Variants in SPOCK1 observed in about 807,000 individuals in gnomAD.
SPOCK1 encodes testican-1.
SPOCK1 carries 23 observed loss-of-function variants against 55.3 expected under a neutral mutation model. That is an observed-to-expected ratio of 0.42 (90% CI 0.30 to 0.59). The LOEUF (loss-of-function observed/expected upper bound fraction) is 0.59, where lower values mean the gene tolerates loss of function less well. SPOCK1 is among the 20% of genes least tolerant of loss of function. The pLI is 0.22. For missense variants in SPOCK1, 499 were observed against 552.5 expected (o/e 0.90, Z 0.97); for synonymous variants, 226 against 221.0 (o/e 1.02, Z -0.20).
intron 2 of SPOCK1, among the ~76,000 whole-genome samples, chr5:137,268,445 C>G (rs1756899127): frequency 6.6e-6 from 1 of 152,200 alleles, no homozygotes; most frequent in Admixed American, 6.5e-5. Flanking sequence ...CATGAAATAT[C>G]ACTAAGGAAA....
At chr5:137,421,468 A>T (rs1752492949) in intron 2 of SPOCK1, among the ~76,000 whole-genome samples, 1 of 152,118 alleles carries the variant, frequency 6.6e-6, no homozygotes, top group African/African-American at 2.4e-5. Context: ...TTGCTTTATG[A>T]ATCTGGGTGC....
chr5:137,169,056 T>C (rs540149274), intron 3 of SPOCK1, among the ~76,000 whole-genome samples: 1 of 152,232 alleles, frequency 6.6e-6, no homozygotes, highest in African/African-American at 2.4e-5. Flanking sequence ...ACAACAAGGA[T>C]GGTCATTACG....
chr5:137,432,114 G>C (rs1752760114), intron 2 of SPOCK1, among the ~76,000 whole-genome samples: 1 of 152,196 alleles, frequency 6.6e-6, no homozygotes, highest in Non-Finnish European at 1.5e-5. Flanking sequence ...AAAATAACAA[G>C]TGTTGGTATG....
chr5:137,118,921 C>T (rs1266835084), intron 4 of SPOCK1, among the ~76,000 whole-genome samples: 1 of 152,184 alleles, frequency 6.6e-6, no homozygotes, highest in Admixed American at 6.5e-5. Context: ...CAACTTGTTT[C>T]GTGTGGCTAC....
intron 2 of SPOCK1, among the ~76,000 whole-genome samples, chr5:137,326,980 C>T (rs184166110): frequency 6.6e-6 from 1 of 151,950 alleles, no homozygotes; most frequent in Non-Finnish European, 1.5e-5. Flanking sequence ...ACTCTGAATA[C>T]ACTTCTCTTA....
At position 137,169,709 on chromosome 5, in the gene SPOCK1, A is replaced by G. The variant is rs912812163; in HGVS notation, c.233-29015T>C. Among the ~76,000 whole-genome samples, 3 of 152,222 alleles carry G rather than the reference A, an allele frequency of 2.0e-5. No homozygotes were observed. The East Asian group carries it at 5.8e-4, about 29-fold the overall frequency. ...AAATACAGGTGGTTTCACATGGATT[A>G]TCTCATTTAGTCCTCATCAGAAGTC... On this transcript the variant is annotated intron_variant, in intron 3 of 10. Coordinates refer to ENST00000394945, the MANE Select transcript of SPOCK1 (RefSeq NM_004598.4).
chr5:137,358,307 C>T (rs535155219), intron 2 of SPOCK1, among the ~76,000 whole-genome samples: 2 of 151,956 alleles, frequency 1.3e-5, no homozygotes, highest in South Asian at 4.2e-4. Context: ...GCCCAACTCC[C>T]AGAAGAGGAC....
chr5:137,060,512 G>A (rs1230890782), intron 6 of SPOCK1, among the ~76,000 whole-genome samples: 1 of 151,950 alleles, frequency 6.6e-6, no homozygotes, highest in Non-Finnish European at 1.5e-5. Flanking sequence ...TTATTATCTG[G>A]GAAATGAAAT....
chr5:137,346,808 C>T lies in SPOCK1; in HGVS notation c.187-79753G>A, dbSNP rs551314450. On this transcript the variant is annotated intron_variant, in intron 2 of 10. Transcript: ENST00000394945. Reference sequence around the variant, plus strand: ...TTAAGTCAAACAAAAACGTGCAATACGTGAGCCCTGTCTTCAAAAAACTGA... The same window carrying T: ...TTAAGTCAAACAAAAACGTGCAATATGTGAGCCCTGTCTTCAAAAAACTGA... Among the ~76,000 whole-genome samples the T allele has an allele frequency of 6.6e-5, 10 of 152,264 alleles. No individual in the cohort carries two copies. The South Asian group carries it at 1.7e-3, about 25-fold the overall frequency.
At chr5:137,097,934 G>A (rs572232467) in intron 5 of SPOCK1, among the ~76,000 whole-genome samples, 191 of 152,166 alleles carry the variant, frequency 1.3e-3, no homozygotes, top group Non-Finnish European at 1.6e-3. Flanking sequence ...CCACCTACCC[G>A]AGAGCAGAAG....
intron 2 of SPOCK1, 70 bp from the exon 3 acceptor site, chr5:137,267,125 T>A: frequency 7.4e-7 from 1 of 1,346,870 alleles, no homozygotes; most frequent in Non-Finnish European, 1.1e-6. Context: ...CATAAAAACC[T>A]GCCTTCCTTT....
chr5:137,277,328 G>A (rs1283021200), intron 2 of SPOCK1, among the ~76,000 whole-genome samples: 2 of 152,180 alleles, frequency 1.3e-5, no homozygotes, highest in African/African-American at 2.4e-5. Flanking sequence ...TCTGAGACAA[G>A]CATCTCAGTG....
intron 4 of SPOCK1, among the ~76,000 whole-genome samples, chr5:137,131,084 C>T (rs897734494): frequency 6.6e-6 from 1 of 152,308 alleles, no homozygotes; most frequent in African/African-American, 2.4e-5. Context: ...CCGATGGGCC[C>T]TACTATGGTG....
intron 3 of SPOCK1, among the ~76,000 whole-genome samples, chr5:137,230,415 T>C (rs1368028220): frequency 6.6e-6 from 1 of 152,218 alleles, no homozygotes; most frequent in East Asian, 1.9e-4. Context: ...CTGGGCTGTC[T>C]ATTAAAAAGC....
intron 6 of SPOCK1, among the ~76,000 whole-genome samples, chr5:137,042,462 A>T (rs951042642): frequency 5.9e-5 from 9 of 152,210 alleles, no homozygotes; most frequent in Non-Finnish European, 7.4e-5. Context: ...GCAAATTTTT[A>T]AAAAATCATT....
At chr5:137,315,825 T>C (rs977674008) in intron 2 of SPOCK1, among the ~76,000 whole-genome samples, 11 of 152,170 alleles carry the variant, frequency 7.2e-5, no homozygotes, top group African/African-American at 2.7e-4. Flanking sequence ...GACTTCATGG[T>C]GCCTATGAAT....
chr5:137,361,119 G>C (rs145401985), intron 2 of SPOCK1, among the ~76,000 whole-genome samples: 3 of 152,136 alleles, frequency 2.0e-5, no homozygotes, highest in Non-Finnish European at 4.4e-5. Flanking sequence ...TCTTCTCTAC[G>C]TGAGGATACA....
At chr5:136,997,079 T>A (rs1244594701) in intron 6 of SPOCK1, among the ~76,000 whole-genome samples, 4 of 152,180 alleles carry the variant, frequency 2.6e-5, no homozygotes, top group Non-Finnish European at 5.9e-5. Context: ...CAATGATGTT[T>A]CCCCATTTAC....
At chr5:137,462,965 G>C (rs1753520439) in intron 2 of SPOCK1, among the ~76,000 whole-genome samples, 1 of 152,190 alleles carries the variant, frequency 6.6e-6, no homozygotes, top group Non-Finnish European at 1.5e-5. Context: ...AGTGGAAAAG[G>C]ATGAGGCTGA....
Sources: allele counts gnomAD v4.1 joint callset (sites outside exome capture counted in the v4.1 genomes callset), GRCh38; gene constraint gnomAD v4.1.1; transcripts MANE v1.5; gene names NCBI Gene and HGNC (gene_info 2026-07-23, HGNC 2026-07-21).